Variants in WWOX observed in about 807,000 individuals in gnomAD.
WWOX encodes WW domain containing oxidoreductase, also known as WW domain-containing oxidoreductase.
A neutral mutation model predicts 46.2 loss-of-function variants in WWOX; 69 were observed. The observed-to-expected ratio is 1.49, with a 90% CI of 1.23 to 1.82. The LOEUF (loss-of-function observed/expected upper bound fraction) is 1.82. WWOX is among the 40% of genes most tolerant of loss of function. The pLI, the probability that WWOX is intolerant of heterozygous loss-of-function variation, is 0.00. For synonymous variants in WWOX, 359 were observed against 202.6 expected, an observed-to-expected ratio of 1.77 and a Z score of -6.56; for missense variants, 919 against 542.6, an observed-to-expected ratio of 1.69 and a Z score of -6.89.
intron 8 of WWOX, among the ~76,000 whole-genome samples, chr16:79,061,785 C>G (rs1169650735): frequency 1.3e-5 from 2 of 152,134 alleles, no homozygotes; most frequent in Admixed American, 1.3e-4. Flanking sequence ...CTGATCATAG[C>G]TAATATGCCT....
At chr16:78,734,239 GT>G (rs145534911) in intron 8 of WWOX, among the ~76,000 whole-genome samples, 2 of 151,886 alleles carry the variant, frequency 1.3e-5, no homozygotes, top group Admixed American at 6.6e-5. Context: ...GAGACTCTTG[GT>G]TTTTTTTATA....
chr16:78,928,364 G>A (rs9923744), intron 8 of WWOX, among the ~76,000 whole-genome samples: 2,410 of 151,544 alleles, frequency 0.016, 68 homozygotes, highest in African/African-American at 0.055. Context: ...TACCACGCCC[G>A]GCTAATTTTT....
chr16:79,090,741 G>C (rs997721539), intron 8 of WWOX, among the ~76,000 whole-genome samples: 1 of 152,188 alleles, frequency 6.6e-6, no homozygotes, highest in Non-Finnish European at 1.5e-5. Context: ...ATGCCACCAA[G>C]GCCAGGAGGA....
chr16:79,039,636 C>T (rs984646129), intron 8 of WWOX, among the ~76,000 whole-genome samples: 1 of 152,192 alleles, frequency 6.6e-6, no homozygotes, highest in African/African-American at 2.4e-5. Flanking sequence ...CTTGACCCGG[C>T]ACCTCGGAAA....
intron 8 of WWOX, among the ~76,000 whole-genome samples, chr16:78,577,315 A>G (rs1200989943): frequency 6.6e-6 from 1 of 152,164 alleles, no homozygotes; most frequent in Non-Finnish European, 1.5e-5. Context: ...GTGCAGGGCA[A>G]ATATATGTTT....
intron 4 of WWOX, among the ~76,000 whole-genome samples, chr16:78,163,557 G>A (rs754693755): frequency 6.6e-6 from 1 of 152,186 alleles, no homozygotes; most frequent in African/African-American, 2.4e-5. Context: ...GCCAAATGCT[G>A]GCCTTGCAGT....
At chr16:79,043,582 C>A (rs2656611) in intron 8 of WWOX, among the ~76,000 whole-genome samples, 72,090 of 152,002 alleles carry the variant, frequency 0.47, 19,338 homozygotes, top group African/African-American at 0.75. Flanking sequence ...AAATTTCCAT[C>A]CTGCATTATA....
chr16:78,873,511 C>T (rs1010732839), intron 8 of WWOX: 1 of 152,172 alleles, frequency 6.6e-6, no homozygotes, highest in East Asian at 1.9e-4. Flanking sequence ...GAGGGCCAGG[C>T]ACAGTGGCTT....
At chr16:78,330,714 A>G (rs554017329) in intron 5 of WWOX, among the ~76,000 whole-genome samples, 26 of 152,326 alleles carry the variant, frequency 1.7e-4, no homozygotes, top group Admixed American at 2.6e-4. Flanking sequence ...ATTTCTATGC[A>G]ACTATATGTG....
intron 8 of WWOX, among the ~76,000 whole-genome samples, chr16:79,188,851 G>A (rs1056650959): frequency 5.9e-5 from 9 of 152,178 alleles, no homozygotes; most frequent in South Asian, 2.1e-4. Context: ...TTTCTGTGGC[G>A]CCAAGGTAAG....
chr16:79,210,552 C>CCTCT (rs1567623252), intron 8 of WWOX, among the ~76,000 whole-genome samples: 1 of 152,170 alleles, frequency 6.6e-6, no homozygotes. Context: ...CTTTTCCGGT[C>CCTCT]CTCTCTTGCA....
intron 5 of WWOX, among the ~76,000 whole-genome samples, chr16:78,334,122 C>G (rs569243588): frequency 6.6e-6 from 1 of 152,236 alleles, no homozygotes; most frequent in African/African-American, 2.4e-5. Flanking sequence ...ACTATAAAAA[C>G]AAAGTTTTTA....
chr16:79,171,209 C>T (rs573910058), intron 8 of WWOX, among the ~76,000 whole-genome samples: 11 of 152,156 alleles, frequency 7.2e-5, no homozygotes, highest in South Asian at 6.2e-4. Context: ...TAGGGACACC[C>T]GGGGAAAATG....
chr16:78,190,299 A>T (rs999304030), intron 5 of WWOX, among the ~76,000 whole-genome samples: 3 of 152,172 alleles, frequency 2.0e-5, no homozygotes. Flanking sequence ...GGGAGACAGT[A>T]AGAAAGGTGA....
chr16:78,970,698 T>C (rs1045572225), intron 8 of WWOX, among the ~76,000 whole-genome samples: 8 of 152,134 alleles, frequency 5.3e-5, no homozygotes, highest in African/African-American at 1.7e-4. Flanking sequence ...TTTAAAAAGA[T>C]AGGAGGAGCC....
At chr16:78,787,438 T>C (rs148613715) in intron 8 of WWOX, among the ~76,000 whole-genome samples, 52 of 152,358 alleles carry the variant, frequency 3.4e-4, no homozygotes, top group African/African-American at 1.2e-3. Context: ...CTTTTGTGTC[T>C]GGCTTCTTGC....
chr16:78,713,194 C>G (rs569007895), intron 8 of WWOX, among the ~76,000 whole-genome samples: 1 of 146,710 alleles, frequency 6.8e-6, no homozygotes, highest in Admixed American at 7.0e-5. Flanking sequence ...ATTGCCTGAG[C>G]CTGGTAGAGG....
intron 8 of WWOX, among the ~76,000 whole-genome samples, chr16:79,037,213 C>T (rs962050561): frequency 6.6e-6 from 1 of 152,142 alleles, no homozygotes; most frequent in African/African-American, 2.4e-5. Context: ...TAATTGCCAA[C>T]AGTAATTCAT....
intron 3 of WWOX, among the ~76,000 whole-genome samples, chr16:78,112,179 C>G (rs1459837676): frequency 6.6e-6 from 1 of 152,202 alleles, no homozygotes. Context: ...GTTGAGCAAA[C>G]ACAGTATTTT....
Sources: gnomAD v4.1 joint callset for allele counts (sites outside exome capture counted in the v4.1 genomes callset) on GRCh38, gnomAD v4.1.1 for gene constraint, MANE v1.5 for transcripts, NCBI Gene and HGNC (gene_info 2026-07-23, HGNC 2026-07-21) for gene names.